The following GCNT2 variants were observed in gnomAD, a reference collection of about 807,000 sequenced individuals.
GCNT2 encodes glucosaminyl (N-acetyl) transferase 2 (I blood group).
GCNT2 carries 34 observed loss-of-function variants against 34.2 expected under a neutral mutation model. The observed-to-expected ratio is 1.00, with a 90% confidence interval of 0.76 to 1.32. The LOEUF is 1.32. GCNT2 is among the 40% of genes most tolerant of loss of function. GCNT2 has a pLI of 0.00. For synonymous variants in GCNT2, 212 were observed against 188.0 expected (o/e 1.13, Z -1.04); for missense variants, 584 against 489.4 (o/e 1.19, Z -1.82).
chr6:10,624,265 T>C (rs1460205366), intron 4 of GCNT2, among the ~76,000 whole-genome samples: 1 of 152,094 alleles, frequency 6.6e-6, no homozygotes, highest in African/African-American at 2.4e-5. Context: ...GGGTAATTTA[T>C]AAAGAAAAAG....
chr6:10,590,312 T>C (rs941338641), intron 3 of GCNT2, among the ~76,000 whole-genome samples: 1 of 151,738 alleles, frequency 6.6e-6, no homozygotes, highest in Non-Finnish European at 1.5e-5. Context: ...GGAAGGAGGA[T>C]TGCTTAAGCC....
At chr6:10,621,766 G>C (rs1766048147) in intron 4 of GCNT2, 1 of 363,540 alleles carries the variant, frequency 2.8e-6, no homozygotes, top group South Asian at 2.2e-5. Context: ...CTGGAGTGCA[G>C]TGGCATGAAT....
chr6:10,559,551 G>C (rs1762877430), intron 3 of GCNT2, among the ~76,000 whole-genome samples: 1 of 152,212 alleles, frequency 6.6e-6, no homozygotes, highest in Non-Finnish European at 1.5e-5. Flanking sequence ...AAGACACAAT[G>C]CCTAGAACAA....
chr6:10,535,274 G>C (rs534116695), intron 3 of GCNT2, among the ~76,000 whole-genome samples: 1 of 152,318 alleles, frequency 6.6e-6, no homozygotes, highest in East Asian at 1.9e-4. Flanking sequence ...CTGCTCAGGT[G>C]AAGGTGCCCA....
chr6:10,532,091 A>G (rs1438859562), intron 3 of GCNT2, among the ~76,000 whole-genome samples: 3 of 152,116 alleles, frequency 2.0e-5, no homozygotes, highest in African/African-American at 4.8e-5. Context: ...AGCTTCCTCA[A>G]TGGTGAGCAA....
At chr6:10,553,386 C>T (rs1762560543) in intron 3 of GCNT2, among the ~76,000 whole-genome samples, 1 of 152,210 alleles carries the variant, frequency 6.6e-6, no homozygotes, top group Admixed American at 6.5e-5. Flanking sequence ...CTCTCAGTGT[C>T]ATCTGCCTCC....
intron 1 of GCNT2, among the ~76,000 whole-genome samples, chr6:10,523,071 T>C (rs1404045785): frequency 6.6e-6 from 1 of 152,196 alleles, no homozygotes; most frequent in African/African-American, 2.4e-5. Flanking sequence ...ACTGAGCTGC[T>C]ATTTAACTTT....
Position 10,529,334 on chromosome 6 carries a change from A to G in GCNT2, c.423A>G (p.Lys141=). 2 of 1,614,078 alleles carry G rather than the reference A, an allele frequency of 1.2e-6. No homozygotes were observed. Among genetic ancestry groups the G allele is most frequent in the Non-Finnish European group, 1.7e-6 (2 of 1,179,996 alleles). Residue 141 remains lysine, a synonymous_variant, in exon 3 of 5, where the codon AAA becomes AAG. Transcript: ENST00000495262. ...CGGATGCCTTTAAAGGTGCAGTGAA[A>G]CAGTTACTCAGCTGCTTCCCAAATG... is the stretch of plus-strand genomic sequence containing the variant. ...KATDAFKGAV[K]QLLSCFPNAF... is the part of the protein sequence containing the mutation.
In GCNT2 at chr6:10,581,931, A is replaced by AGT. The variant is rs200040690; in HGVS notation, c.926-39412_926-39411dup. On this transcript the variant is annotated intron_variant, in intron 3 of 4. Transcript: ENST00000495262. ...TCCCTTCATACAGTCACATTTCTAG[A>AGT]GTGTGTGTGAATATACATAATAAAA... is the stretch of plus-strand genomic sequence containing the variant. 1,658 of 916,522 alleles carry AGT rather than the reference A, an allele frequency of 1.8e-3. 21 individuals are homozygous for AGT. In the African/African-American group the frequency reaches 0.024, roughly 13 times the overall value. The allele number at this position is 916,522 out of a possible 1,614,324, so 56.8% of individuals were successfully genotyped here.
intron 3 of GCNT2, among the ~76,000 whole-genome samples, chr6:10,553,713 G>A (rs1762574912): frequency 6.6e-6 from 1 of 152,138 alleles, no homozygotes; most frequent in Non-Finnish European, 1.5e-5. Flanking sequence ...GGCCAACGTG[G>A]CGAAATCCCG....
At chr6:10,598,863 C>T (rs1764969749) in intron 3 of GCNT2, among the ~76,000 whole-genome samples, 3 of 152,130 alleles carry the variant, frequency 2.0e-5, no homozygotes, top group African/African-American at 7.2e-5. Context: ...TTCTCAGTTT[C>T]TGTATATGTA....
chr6:10,529,801 A>G lies in GCNT2; in HGVS notation c.890A>G (p.Asp297Gly). The part of the protein sequence containing the change: ...LSWSKDTYSP[D>G]EHFWVTLNRI... ...TGGTCCAAGGACACCTACAGCCCCG[A>G]CGAACATTTCTGGGTGACACTCAAC... The change falls in exon 3 of 5, where the codon GAC becomes GGC. Residue 297 changes from aspartate (D) to glycine (G), a missense_variant. Physicochemically the swap from Asp to Gly is moderately conservative, Grantham distance 94 (BLOSUM62 -1). Transcript: ENST00000495262. 6.2e-7 allele frequency: 1 copy of G among 1,614,138 alleles called. No homozygotes were observed. The highest frequency in any genetic ancestry group is 8.5e-7 in the Non-Finnish European group (1 of 1,179,956).
chr6:10,578,651 T>C (rs1763933887), intron 3 of GCNT2, among the ~76,000 whole-genome samples: 1 of 151,960 alleles, frequency 6.6e-6, no homozygotes, highest in African/African-American at 2.4e-5. Flanking sequence ...TTTCATCGTG[T>C]TAGCCAGGAT....
chr6:10,608,235 G>A (rs1581477836), intron 3 of GCNT2, among the ~76,000 whole-genome samples: 3 of 151,996 alleles, frequency 2.0e-5, no homozygotes, highest in East Asian at 1.9e-4. Flanking sequence ...GCGCCACTAC[G>A]CCTGGCTAAT....
intron 2 of GCNT2, 156 bp from the exon 3 acceptor site, chr6:10,528,475 A>G (rs1761306503): frequency 4.3e-6 from 1 of 232,080 alleles, no homozygotes; most frequent in Non-Finnish European, 8.6e-6. Flanking sequence ...GGGAGGGGAC[A>G]TAGTTACTAG....
Position 10,626,645 on chromosome 6 carries a change from A to C in GCNT2, c.*38A>C. 6.8e-7 allele frequency: 1 copy of C among 1,479,346 alleles called. No individual in the cohort carries two copies. The highest frequency in any genetic ancestry group is 9.5e-7 in the Non-Finnish European group (1 of 1,057,536). 91.6% of individuals were successfully genotyped at this position (1,479,346 alleles called of 1,614,324 possible). A position where few individuals can be genotyped will look rare whatever the true frequency, so the allele number is the denominator to read the frequency against. ...CTACTCATGACTGAAGGGAAACTGC[A>C]GCTGGGAAGAGGAGCCTGTTTTTGT... On this transcript the variant is annotated 3_prime_UTR_variant, in exon 5 of 5. Transcript: ENST00000495262.
intron 3 of GCNT2, among the ~76,000 whole-genome samples, chr6:10,619,030 A>G (rs79405415): frequency 0.13 from 19,410 of 152,104 alleles, 1,987 homozygotes; most frequent in African/African-American, 0.28. Flanking sequence ...CATCAGGGCA[A>G]AAGAACAGAC....
intron 1 of GCNT2, among the ~76,000 whole-genome samples, chr6:10,523,865 C>G (rs993607186): frequency 6.8e-6 from 1 of 146,322 alleles, no homozygotes; most frequent in African/African-American, 2.5e-5. Context: ...CCCAGCTACT[C>G]GGGAGGCTGA....
chr6:10,619,528 A>T (rs1260682665), intron 3 of GCNT2: 1 of 151,972 alleles, frequency 6.6e-6, no homozygotes, highest in Non-Finnish European at 1.5e-5. Flanking sequence ...TTTTAAAAAA[A>T]TTTTTAGTAG....
Sources: allele counts gnomAD v4.1 joint callset (sites outside exome capture counted in the v4.1 genomes callset), GRCh38; gene constraint gnomAD v4.1.1; transcripts MANE v1.5; gene names NCBI Gene and HGNC (gene_info 2026-07-23, HGNC 2026-07-21).